The following ERG variants were observed in gnomAD, a reference collection of about 807,000 sequenced individuals.
ERG encodes the protein transcriptional regulator ERG.
ERG carries 9 observed loss-of-function variants against 55.3 expected under a neutral mutation model. The ratio of observed to expected loss-of-function variants is 0.16; its 90% CI spans 0.10 to 0.28. ERG has a LOEUF of 0.28. Ranked by LOEUF, ERG falls within the 10% of genes least tolerant of loss-of-function variation. The probability of loss-of-function intolerance (pLI) is 1.00; values close to 1 mark genes in which losing one functional copy is unlikely to be tolerated. For missense variants in ERG, 434 were observed against 631.6 expected (o/e 0.69, Z 3.35); for synonymous variants, 223 against 237.3 (o/e 0.94, Z 0.55).
chr21:38,428,422 C>T (rs1989945791), intron 2 of ERG, among the ~76,000 whole-genome samples: 1 of 152,158 alleles, frequency 6.6e-6, no homozygotes, highest in African/African-American at 2.4e-5. Flanking sequence ...GTCACCTGCA[C>T]CAAGCGCTGC....
chr21:38,550,518 C>T (rs2059817679), intron 2 of ERG, among the ~76,000 whole-genome samples: 1 of 152,148 alleles, frequency 6.6e-6, no homozygotes. Flanking sequence ...AGGGAGATTC[C>T]CTCACCCTTT....
At chr21:38,575,990 G>T (rs2059992515) in intron 1 of ERG, among the ~76,000 whole-genome samples, 1 of 152,240 alleles carries the variant, frequency 6.6e-6, no homozygotes, top group East Asian at 1.9e-4. Context: ...CAGGACAGAA[G>T]AATCTAGCTC....
chr21:38,525,466 T>C (rs918416110), intron 2 of ERG, among the ~76,000 whole-genome samples: 2 of 152,188 alleles, frequency 1.3e-5, no homozygotes, highest in Non-Finnish European at 2.9e-5. Flanking sequence ...CCAGATGCTC[T>C]CAGAGCACAT....
chr21:38,613,853 C>A (rs1004284988), intron 1 of ERG, among the ~76,000 whole-genome samples: 1 of 152,184 alleles, frequency 6.6e-6, no homozygotes, highest in Non-Finnish European at 1.5e-5. Flanking sequence ...CAGGCTGGGC[C>A]CCCCCTCTTC....
At chr21:38,400,029 C>CT in intron 6 of ERG, 1 of 260,310 alleles carries the variant, frequency 3.8e-6, no homozygotes. Flanking sequence ...TTCCCAGAGT[C>CT]TAACACCACG....
In ERG at chr21:38,498,448, G is replaced by A. The variant is rs2059397452; in HGVS notation, c.-68C>T. The A allele has an allele frequency of 1.3e-6, 2 of 1,590,346 alleles. No individual in the cohort carries two copies. Among genetic ancestry groups the A allele is most frequent in the Non-Finnish European group, 1.7e-6 (2 of 1,169,822 alleles). On this transcript the variant is annotated 5_prime_UTR_variant, in exon 1 of 10. Transcript: ENST00000288319. This position sits in a 1 kb window ranked among gnomAD's most constrained non-coding sequence, Gnocchi z 4.6. ...ATTATTGCTTCTCTCTGACCAGAAA[G>A]TAGTTTTGATGAGGTTGTTTAGAGC...
chr21:38,496,243 A>T (rs1015408768), intron 1 of ERG, among the ~76,000 whole-genome samples: 2 of 152,256 alleles, frequency 1.3e-5, no homozygotes, highest in East Asian at 3.8e-4. Flanking sequence ...AACTTAAAAA[A>T]TTCAGAGCAT....
At chr21:38,536,239 A>G (rs7280823) in intron 2 of ERG, among the ~76,000 whole-genome samples, 90,679 of 151,814 alleles carry the variant, frequency 0.6, 27,605 homozygotes, top group Non-Finnish European at 0.66. Flanking sequence ...GGGGCTTTGG[A>G]AGCCCACCAG....
chr21:38,416,203 G>A (rs977335666), intron 3 of ERG, among the ~76,000 whole-genome samples: 1 of 152,156 alleles, frequency 6.6e-6, no homozygotes, highest in African/African-American at 2.4e-5. Context: ...TACCTGTGCT[G>A]AGCTATTCTC....
intron 1 of ERG, among the ~76,000 whole-genome samples, chr21:38,590,484 A>G (rs969007353): frequency 6.6e-6 from 1 of 152,208 alleles, no homozygotes; most frequent in Non-Finnish European, 1.5e-5. Flanking sequence ...CTCTATAATT[A>G]AGGGATGATT....
chr21:38,596,053 G>A (rs1052215246), intron 1 of ERG, among the ~76,000 whole-genome samples: 2 of 43,206 alleles, frequency 4.6e-5, no homozygotes, highest in Non-Finnish European at 1.3e-4. Context: ...ATTGGTGTGG[G>A]ATTGGGGGGG....
chr21:38,539,830 A>G (rs1025983175), intron 2 of ERG, among the ~76,000 whole-genome samples: 3 of 151,798 alleles, frequency 2.0e-5, no homozygotes, highest in African/African-American at 7.3e-5. Context: ...TTGGAGGGTG[A>G]AGCATTTTCC....
chr21:38,547,671 A>G (rs986507554), intron 2 of ERG, among the ~76,000 whole-genome samples: 4 of 152,192 alleles, frequency 2.6e-5, no homozygotes, highest in Non-Finnish European at 5.9e-5. Context: ...AACTGATTTG[A>G]TTTTCATAGA....
At chr21:38,471,571 A>G (rs769836666) in intron 1 of ERG, 4 of 152,226 alleles carry the variant, frequency 2.6e-5, no homozygotes, top group Non-Finnish European at 5.9e-5. Flanking sequence ...CCTGCCACAC[A>G]TTCATAGTGA....
At chr21:38,631,817 A>C (rs1175587177) in intron 1 of ERG, among the ~76,000 whole-genome samples, 1 of 151,970 alleles carries the variant, frequency 6.6e-6, no homozygotes, top group African/African-American at 2.4e-5. Flanking sequence ...TTTGTGGCTC[A>C]AGTCAGGAAG....
At chr21:38,390,013 A>G (rs1018083908) in intron 9 of ERG, among the ~76,000 whole-genome samples, 6 of 152,218 alleles carry the variant, frequency 3.9e-5, no homozygotes, top group African/African-American at 1.4e-4. Flanking sequence ...TTTGGCCTCA[A>G]CGTTTAGGAA....
chr21:38,574,343 A>G (rs895254358), intron 2 of ERG, among the ~76,000 whole-genome samples: 1 of 152,146 alleles, frequency 6.6e-6, no homozygotes, highest in African/African-American at 2.4e-5. Context: ...GATAAACACA[A>G]CCATCATAGC....
chr21:38,409,054 T>C (rs975067356), intron 3 of ERG, among the ~76,000 whole-genome samples: 3 of 152,182 alleles, frequency 2.0e-5, no homozygotes, highest in Middle Eastern at 3.4e-3. Flanking sequence ...TTAATTCAAG[T>C]AAAAGTCATT....
In ERG at chr21:38,473,868, ATGTG is replaced by A. The variant is rs2059162973; in HGVS notation, c.18+24491_18+24494del. Among the ~76,000 whole-genome samples, 3 of 151,876 alleles carry A rather than the reference ATGTG, an allele frequency of 2.0e-5. No homozygotes were observed. The South Asian group carries it at 6.2e-4, about 31-fold the overall frequency. On this transcript the variant is annotated intron_variant, in intron 1 of 9. Coordinates refer to ENST00000288319, the MANE Select transcript of ERG (RefSeq NM_182918.4). Reference sequence around the variant, plus strand: ...TGTGTACATGTTTGCGTATGTATGCATGTGTATGTGTGAGCGTATGTGTGTGTAA... The same window carrying A: ...TGTGTACATGTTTGCGTATGTATGCATATGTGTGAGCGTATGTGTGTGTAA...
Sources: gnomAD v4.1 joint callset for allele counts (sites outside exome capture counted in the v4.1 genomes callset) on GRCh38, gnomAD v4.1.1 for gene constraint, Gnocchi (gnomAD v3.1) non-coding constraint, MANE v1.5 for transcripts, NCBI Gene and HGNC (gene_info 2026-07-23, HGNC 2026-07-21) for gene names.